The following ZNF729 variants were observed in gnomAD, a reference collection of about 807,000 sequenced individuals.
ZNF729 encodes zinc finger protein 729.
Under a neutral mutation model 12.2 loss-of-function variants are expected in ZNF729, and 15 were observed. The observed-to-expected ratio is 1.23, with a 90% confidence interval of 0.82 to 1.89. ZNF729 has a LOEUF of 1.89. Among genes scored for constraint, ZNF729 ranks in the 40% most tolerant of loss-of-function variants. The pLI is 0.00. For missense variants in ZNF729, 1,540 were observed against 1,456.7 expected (o/e 1.06, Z -0.93); for synonymous variants, 492 against 476.3 (o/e 1.03, Z -0.43).
At chr19:22,299,816 C>T (rs1218715717) in intron 1 of ZNF729, 13 of 152,222 alleles carry the variant, frequency 8.5e-5, no homozygotes, top group Admixed American at 8.5e-4. Context: ...CAGTTCTCCC[C>T]AGGAGGCCTG....
chr19:22,308,377 G>A (rs962635031), intron 3 of ZNF729, among the ~76,000 whole-genome samples: 5 of 152,088 alleles, frequency 3.3e-5, no homozygotes, highest in Non-Finnish European at 7.4e-5. Context: ...TTTCTTCTGG[G>A]TAGATACCCA....
intron 3 of ZNF729, among the ~76,000 whole-genome samples, chr19:22,305,116 G>T (rs1019016046): frequency 7.2e-5 from 11 of 152,092 alleles, no homozygotes; most frequent in African/African-American, 2.7e-4. Context: ...GAGAAACTAT[G>T]TTAAAAGAAC....
chr19:22,316,208 A>G lies in ZNF729; in HGVS notation c.2791A>G (p.Thr931Ala), dbSNP rs1968538426. 1.2e-6 allele frequency: 2 copies of G among 1,613,234 alleles called. No homozygotes were observed. The highest frequency in any genetic ancestry group is 1.7e-6 in the Non-Finnish European group (2 of 1,179,578). The change falls in exon 4 of 4, where the codon ACT (threonine) becomes GCT (alanine). Residue 931 changes from threonine (T) to alanine (A), a missense_variant. By Grantham distance (58) the Thr-to-Ala change is moderately conservative. Transcript: ENST00000601693. ...SALRKHKIIH[T>A]GKKPYKCEEC... ...CCTTAGAAAACATAAGATAATTCAT[A>G]CTGGAAAGAAACCCTACAAATGTGA... is the stretch of plus-strand genomic sequence containing the variant.
chr19:22,289,591 G>C (rs1046654577), intron 1 of ZNF729, among the ~76,000 whole-genome samples: 38 of 152,032 alleles, frequency 2.5e-4, no homozygotes, highest in African/African-American at 8.5e-4. Context: ...TTTTATGGCT[G>C]GGTGTTTTTA....
intron 1 of ZNF729, among the ~76,000 whole-genome samples, chr19:22,295,038 T>TTGTGTGTGTGTGTGTGTGTGTG (rs71180536): frequency 3.5e-5 from 5 of 144,024 alleles, no homozygotes; most frequent in African/African-American, 1.3e-4. Context: ...TCCTAGATAT[T>TTGTGTGTGTGTGTGTGTGTGTG]TGTGTGTGTG....
At chr19:22,302,691 G>A (rs867168034) in intron 1 of ZNF729, among the ~76,000 whole-genome samples, 1 of 152,308 alleles carries the variant, frequency 6.6e-6, no homozygotes, top group African/African-American at 2.4e-5. Context: ...ATTCTACATA[G>A]GGTCCACTCC....
chr19:22,288,090 C>T (rs570673664), intron 1 of ZNF729, among the ~76,000 whole-genome samples: 3 of 152,204 alleles, frequency 2.0e-5, no homozygotes, highest in East Asian at 3.9e-4. Flanking sequence ...GTGATCTGCT[C>T]GCCTCAGCTT....
chr19:22,302,752 A>G (rs562177025), intron 1 of ZNF729, among the ~76,000 whole-genome samples: 2 of 152,426 alleles, frequency 1.3e-5, no homozygotes, highest in East Asian at 3.9e-4. Context: ...TATTTAGGTC[A>G]GGTCCCACCC....
rs527414009 is a variant in ZNF729, at chr19:22,314,508, G to C, written c.1091G>C (p.Arg364Thr). ...GKAFSQSSTLRKHEIIHTGEK... is the reference protein window; with the variant it reads ...GKAFSQSSTLTKHEIIHTGEK... Reference sequence around the variant, plus strand: ...GCTTTTAGCCAGTCCTCAACCCTTAGAAAACATGAGATAATTCATACTGGA... The same window carrying C: ...GCTTTTAGCCAGTCCTCAACCCTTACAAAACATGAGATAATTCATACTGGA... Residue 364 changes from arginine to threonine, a missense_variant, in exon 4 of 4, where the codon AGA becomes ACA. Arg to Thr is a moderately conservative substitution (Grantham distance 71). Coordinates refer to ENST00000601693, the MANE Select transcript of ZNF729 (RefSeq NM_001242680.2). 1.6e-5 allele frequency: 25 copies of C among 1,605,066 alleles called. No homozygotes were observed. In the African/African-American group the frequency reaches 2.4e-4, roughly 16 times the overall value.
intron 1 of ZNF729, among the ~76,000 whole-genome samples, chr19:22,288,311 G>GTTTTTTTTTTT (rs79658308): frequency 3.2e-5 from 4 of 124,888 alleles, no homozygotes; most frequent in African/African-American, 2.8e-5. Flanking sequence ...TCTTTGTACT[G>GTTTTTTTTTTT]TTTTTTTTTT....
intron 3 of ZNF729, among the ~76,000 whole-genome samples, chr19:22,310,739 C>T (rs1450810391): frequency 6.6e-6 from 1 of 152,140 alleles, no homozygotes; most frequent in African/African-American, 2.4e-5. Flanking sequence ...CTCCCTCTTT[C>T]TCTGTCTTGT....
In ZNF729 at chr19:22,315,066, G is replaced by T; in HGVS notation, c.1649G>T (p.Gly550Val). Residue 550 changes from glycine to valine, a missense_variant, in exon 4 of 4, where the codon GGT (glycine) becomes GTT (valine). By Grantham distance (109) the Gly-to-Val change is moderately radical. Coordinates refer to ENST00000601693, the MANE Select transcript of ZNF729 (RefSeq NM_001242680.2). ...AAACCCTACAAATGTGAAGAATGTGGTAAAGCTTTTAAGTGGTCATCAAAA... is the reference window on the plus strand; with the variant it reads ...AAACCCTACAAATGTGAAGAATGTGTTAAAGCTTTTAAGTGGTCATCAAAA... ...GEKPYKCEEC[G>V]KAFKWSSKLT... 6.2e-6 allele frequency: 10 copies of T among 1,611,170 alleles called. No individual in the cohort carries two copies. Among genetic ancestry groups the T allele is most frequent in the Non-Finnish European group, 8.5e-6 (10 of 1,179,698 alleles).
At chr19:22,313,064 C>CT (rs148237802) in intron 3 of ZNF729, among the ~76,000 whole-genome samples, 21,573 of 147,284 alleles carry the variant, frequency 0.15, 1,703 homozygotes, top group East Asian at 0.28. Context: ...TGGCAATTTC[C>CT]TTTTTTTTTT....
In ZNF729 at chr19:22,314,782, T is replaced by G; in HGVS notation, c.1365T>G (p.Thr455=). The G allele has an allele frequency of 6.2e-7, 1 of 1,613,798 alleles. No homozygotes were observed. Among genetic ancestry groups the G allele is most frequent in the South Asian group, 1.1e-5 (1 of 91,062 alleles). The change falls in exon 4 of 4, where the codon ACT becomes ACG. Residue 455 remains threonine, a synonymous_variant. Coordinates refer to ENST00000601693, the MANE Select transcript of ZNF729 (RefSeq NM_001242680.2). ...STLMKHKIIH[T]GEKPYKCEEC... is the part of the protein sequence containing the mutation. ...TTATGAAACATAAGATAATTCATACTGGGGAGAAACCATACAAATGTGAAG... is the reference window on the plus strand; with the variant it reads ...TTATGAAACATAAGATAATTCATACGGGGGAGAAACCATACAAATGTGAAG...
intron 3 of ZNF729, among the ~76,000 whole-genome samples, chr19:22,309,400 G>T (rs549496277): frequency 1.3e-5 from 2 of 152,054 alleles, no homozygotes; most frequent in Non-Finnish European, 2.9e-5. Flanking sequence ...AGCTGAGATC[G>T]TACCACTGCA....
At chr19:22,299,334 A>T (rs1484701683) in intron 1 of ZNF729, 1 of 152,110 alleles carries the variant, frequency 6.6e-6, no homozygotes, top group African/African-American at 2.4e-5. Flanking sequence ...GGTTCAAGTG[A>T]TTTTCCTGCC....
At chr19:22,308,106 A>G (rs1361030487) in intron 3 of ZNF729, among the ~76,000 whole-genome samples, 1 of 152,124 alleles carries the variant, frequency 6.6e-6, no homozygotes, top group East Asian at 1.9e-4. Flanking sequence ...ATCAGTGAGA[A>G]CATAAGATGT....
chr19:22,286,600 T>C (rs748111589), intron 1 of ZNF729, 45 bp downstream of exon 1: 14 of 1,612,302 alleles, frequency 8.7e-6, no homozygotes, highest in South Asian at 6.6e-5. Flanking sequence ...AAGGGGCTGA[T>C]TGGAACCGGT....
Position 22,306,967 on chromosome 19 carries a change from A to G in ZNF729, c.253+2184A>G, listed in dbSNP as rs1320613284. On this transcript the variant is annotated intron_variant, in intron 3 of 3. Transcript: ENST00000601693. ...TTTCTTTTTTTATATGTGTCTGTAT[A>G]TTTACATTTAATAGAAAGCTATATA... 2.6e-5 allele frequency among the ~76,000 whole-genome samples: 4 copies of G among 151,584 alleles called. No homozygotes were observed. The East Asian group carries it at 7.8e-4, about 29-fold the overall frequency.
Sources: allele counts gnomAD v4.1 joint callset (sites outside exome capture counted in the v4.1 genomes callset), GRCh38; gene constraint gnomAD v4.1.1; transcripts MANE v1.5; gene names NCBI Gene and HGNC (gene_info 2026-07-23, HGNC 2026-07-21).